STPG2: variants seen among roughly 807,000 people sequenced by gnomAD.
The protein encoded by STPG2 is sperm-tail PG-rich repeat-containing protein 2.
A neutral mutation model predicts 54.2 loss-of-function variants in STPG2; 56 were observed. The ratio of observed to expected loss-of-function variants is 1.03; its 90% CI spans 0.83 to 1.29. The LOEUF is 1.29. STPG2 is among the 50% of genes most tolerant of loss of function. The pLI is 0.00. For missense variants in STPG2, 596 were observed against 544.9 expected (o/e 1.09, Z -0.93); for synonymous variants, 200 against 181.8 (o/e 1.10, Z -0.81).
chr4:97,897,651 T>C (rs1258602673), intron 8 of STPG2, among the ~76,000 whole-genome samples: 1 of 152,210 alleles, frequency 6.6e-6, no homozygotes, highest in Admixed American at 6.5e-5. Context: ...ATTTCTCTAA[T>C]GATCACTGAT....
Position 97,981,162 on chromosome 4 carries a change from G to C in STPG2, c.769C>G (p.Pro257Ala). ...FTQDIRTEEMPGPGFYNVLNN... is the reference protein window; with the variant it reads ...FTQDIRTEEMAGPGFYNVLNN... ...CATATATAGATAAATTGCTAACCTG[G>C]CATTTCCTCTGTCCTGATGTCCTGT... The change falls in exon 6 of 11, where the codon CCA (proline) becomes GCA (alanine). Residue 257 changes from proline to alanine, a missense_variant. Physicochemically the swap from Pro to Ala is conservative, Grantham distance 27 (BLOSUM62 -1). Transcript: ENST00000295268. 1 of 1,612,858 alleles carries C rather than the reference G, an allele frequency of 6.2e-7. No homozygotes were observed. The highest frequency in any genetic ancestry group is 8.5e-7 in the Non-Finnish European group (1 of 1,179,692).
At chr4:98,114,765 T>TGTG (rs1553943343) in intron 3 of STPG2, among the ~76,000 whole-genome samples, 69 of 148,890 alleles carry the variant, frequency 4.6e-4, no homozygotes, top group African/African-American at 1.4e-3. Context: ...TTTTTTTTTT[T>TGTG]TGTGTGTGTG....
At chr4:97,839,015 A>T (rs1728715726) in intron 9 of STPG2, among the ~76,000 whole-genome samples, 1 of 151,588 alleles carries the variant, frequency 6.6e-6, no homozygotes, top group African/African-American at 2.4e-5. Context: ...TCTACTCTGC[A>T]GTTGTACAGT....
At chr4:97,562,456 T>C (rs1162206192) in intron 10 of STPG2, among the ~76,000 whole-genome samples, 1 of 152,190 alleles carries the variant, frequency 6.6e-6, no homozygotes, top group Non-Finnish European at 1.5e-5. Context: ...CTAATTGCCC[T>C]GGCCAGAACT....
At chr4:97,589,404 G>T (rs775302636) in intron 10 of STPG2, among the ~76,000 whole-genome samples, 2 of 151,908 alleles carry the variant, frequency 1.3e-5, no homozygotes, top group Admixed American at 6.6e-5. Flanking sequence ...ATATTTTAAA[G>T]TAATAAAAGC....
intron 8 of STPG2, among the ~76,000 whole-genome samples, chr4:97,889,591 C>A (rs1730693063): frequency 6.6e-6 from 1 of 152,018 alleles, no homozygotes; most frequent in African/African-American, 2.4e-5. Context: ...CATGATCTCA[C>A]TAATATGTGG....
intron 4 of STPG2, among the ~76,000 whole-genome samples, chr4:97,466,195 T>C (rs150319006): frequency 2.6e-5 from 4 of 152,208 alleles, no homozygotes; most frequent in African/African-American, 7.2e-5. Flanking sequence ...TATCCAGCCA[T>C]ATCCAACTTG....
At chr4:98,072,835 A>T (rs1182793068) in intron 5 of STPG2, among the ~76,000 whole-genome samples, 2 of 152,164 alleles carry the variant, frequency 1.3e-5, no homozygotes, top group Non-Finnish European at 2.9e-5. Context: ...AAGCCAACCT[A>T]GCAGCTCTAA....
Position 97,801,011 on chromosome 4 carries a change from G to A in STPG2, c.1204+39762C>T, listed in dbSNP as rs573080818. ...GCAGGAGAGAATCTCCTGGTGTGCC[G>A]TTTGCTAAGACCATTGTAAAATTGC... On this transcript the variant is annotated intron_variant, in intron 9 of 10. Transcript: ENST00000295268. 5.9e-5 allele frequency among the ~76,000 whole-genome samples: 9 copies of A among 152,320 alleles called. No individual in the cohort carries two copies. The South Asian group carries it at 1.4e-3, about 25-fold the overall frequency.
chr4:97,639,263 A>G (rs1721677252), intron 10 of STPG2, among the ~76,000 whole-genome samples: 1 of 151,748 alleles, frequency 6.6e-6, no homozygotes, highest in African/African-American at 2.4e-5. Flanking sequence ...CGAACACCGC[A>G]TATTCTCACT....
intron 5 of STPG2, among the ~76,000 whole-genome samples, chr4:98,033,965 G>A (rs1424556216): frequency 1.3e-5 from 2 of 152,090 alleles, no homozygotes; most frequent in Non-Finnish European, 2.9e-5. Context: ...AATAATAAGA[G>A]CTATTTATGA....
intron 4 of STPG2, among the ~76,000 whole-genome samples, chr4:97,491,245 C>T (rs1029530793): frequency 9.9e-5 from 15 of 151,290 alleles, no homozygotes; most frequent in Non-Finnish European, 2.2e-4. Context: ...GCTTTTTTAC[C>T]CAAGGAGAAA....
At chr4:97,801,066 C>T (rs1313012389) in intron 9 of STPG2, among the ~76,000 whole-genome samples, 2 of 152,156 alleles carry the variant, frequency 1.3e-5, no homozygotes, top group African/African-American at 2.4e-5. Context: ...CCCAATTTTC[C>T]AGGTGCCGTC....
At chr4:97,962,664 A>G (rs186241378) in intron 7 of STPG2, among the ~76,000 whole-genome samples, 231 of 152,326 alleles carry the variant, frequency 1.5e-3, no homozygotes, top group African/African-American at 5.2e-3. Context: ...AAGATATTCA[A>G]AGTGTTTTTT....
chr4:97,656,213 T>C (rs1448006252), intron 10 of STPG2, among the ~76,000 whole-genome samples: 2 of 152,150 alleles, frequency 1.3e-5, no homozygotes, highest in Non-Finnish European at 2.9e-5. Flanking sequence ...GTTGCAGTAT[T>C]GCCACATCCT....
intron 10 of STPG2, among the ~76,000 whole-genome samples, chr4:97,623,066 A>G (rs1170828402): frequency 6.6e-6 from 1 of 152,144 alleles, no homozygotes; most frequent in Admixed American, 6.6e-5. Context: ...GGCTAGCCCT[A>G]TGCAGGTTAA....
At chr4:97,933,374 C>A (rs937067042) in intron 8 of STPG2, among the ~76,000 whole-genome samples, 3 of 152,082 alleles carry the variant, frequency 2.0e-5, no homozygotes, top group Admixed American at 1.3e-4. Context: ...TTAATTAGAT[C>A]CCAATTGTCA....
At chr4:97,710,954 A>C (rs1724093227) in intron 10 of STPG2, among the ~76,000 whole-genome samples, 1 of 151,862 alleles carries the variant, frequency 6.6e-6, no homozygotes. Flanking sequence ...TATAAAACCC[A>C]TAAATGTTTT....
intron 8 of STPG2, among the ~76,000 whole-genome samples, chr4:97,865,494 T>C (rs1729734059): frequency 6.6e-6 from 1 of 152,188 alleles, no homozygotes; most frequent in Non-Finnish European, 1.5e-5. Flanking sequence ...TTGGTGGGAC[T>C]GTAAACTAGT....
Sources: gnomAD v4.1 joint callset for allele counts (sites outside exome capture counted in the v4.1 genomes callset) on GRCh38, gnomAD v4.1.1 for gene constraint, MANE v1.5 for transcripts, NCBI Gene and HGNC (gene_info 2026-07-23, HGNC 2026-07-21) for gene names.